The following ANKRD28 variants were observed in gnomAD, a reference collection of about 807,000 sequenced individuals.
ANKRD28 encodes the protein serine/threonine-protein phosphatase 6 regulatory ankyrin repeat subunit A.
ANKRD28 carries 44 observed loss-of-function variants against 126.5 expected under a neutral mutation model. The ratio of observed to expected loss-of-function variants is 0.35; its 90% confidence interval spans 0.27 to 0.45. The LOEUF (loss-of-function observed/expected upper bound fraction) is 0.45. Among genes scored for constraint, ANKRD28 ranks in the 20% least tolerant of loss-of-function variants. ANKRD28 has a pLI of 1.00. For missense variants in ANKRD28, 1,110 were observed against 1,316.6 expected, an observed-to-expected ratio of 0.84 and a Z score of 2.43; for synonymous variants, 442 against 468.5, an observed-to-expected ratio of 0.94 and a Z score of 0.73.
At chr3:15,798,023 A>G (rs751707867), upstream of ANKRD28, 3 of 985,300 alleles carry the variant, frequency 3.0e-6, no homozygotes, top group Admixed American at 1.2e-4. Flanking sequence ...GGAGAAAAAA[A>G]TAGTGCATTT....
intron 21 of ANKRD28, among the ~76,000 whole-genome samples, chr3:15,681,295 T>G (rs1432755985): frequency 1.3e-5 from 2 of 152,218 alleles, no homozygotes; most frequent in Non-Finnish European, 1.5e-5. Flanking sequence ...CTAACTATAT[T>G]TCTGATGGAC....
Position 15,709,694 on chromosome 3 carries a change from G to A in ANKRD28, c.1380C>T (p.Asp460=), listed in dbSNP as rs1304087536. The change falls in exon 13 of 28, where the codon GAC becomes GAT. Residue 460 remains aspartate, a synonymous_variant. Transcript: ENST00000683139. ...CLNLLLNTGA[D]FNKKDKFGRS... is the part of the protein sequence containing the mutation. ...TCCCAAATTTGTCCTTTTTATTAAA[G>A]TCTGCACCAGTATTCAGCAGAAGGT... The A allele has an allele frequency of 1.9e-6, 3 of 1,583,852 alleles. No individual in the cohort carries two copies.
chr3:15,843,276 T>C lies in ANKRD28; in HGVS notation c.27+16101A>G, dbSNP rs2061460276. ...TATCACAGGGACATCATCAAGGGGA[T>C]GGTGCTAAGCCATTCATGAGAAATC... On this transcript the variant is annotated intron_variant, in intron 1 of 27. Transcript: ENST00000399451. This position sits in a 1 kb window ranked among gnomAD's most constrained non-coding sequence, Gnocchi z 5.2. Among the ~76,000 whole-genome samples the C allele has an allele frequency of 1.3e-5, 2 of 152,168 alleles. No homozygotes were observed. The highest frequency in any genetic ancestry group is 6.5e-5 in the Admixed American group (1 of 15,274).
chr3:15,710,036 G>GTTTTTTTTTTTTTTTTTTTTTT (rs34686530), intron 12 of ANKRD28, among the ~76,000 whole-genome samples: 1 of 146,336 alleles, frequency 6.8e-6, no homozygotes, highest in Non-Finnish European at 1.5e-5. Flanking sequence ...TTGCTTATAG[G>GTTTTTTTTTTTTTTTTTTTTTT]TTTTTTTTTT....
chr3:15,739,770 G>A (rs1281470083), intron 4 of ANKRD28, among the ~76,000 whole-genome samples: 1 of 152,216 alleles, frequency 6.6e-6, no homozygotes, highest in East Asian at 1.9e-4. Context: ...ATAAAAAGTA[G>A]TCAGAACAGT....
At chr3:15,692,294 AAAG>A (rs1017997322) in intron 17 of ANKRD28, among the ~76,000 whole-genome samples, 5 of 152,072 alleles carry the variant, frequency 3.3e-5, no homozygotes, top group Admixed American at 1.3e-4. Flanking sequence ...ACAAAAAAAT[AAAG>A]AATTAGTCGG....
chr3:15,714,436 T>A, intron 9 of ANKRD28, 142 bp downstream of exon 9: 1 of 648,874 alleles, frequency 1.5e-6, no homozygotes, highest in Non-Finnish European at 2.5e-6. Context: ...TAATATTTTA[T>A]TTTCATGAGC....
At chr3:15,805,556 A>G (rs1370717903) in intron 1 of ANKRD28, among the ~76,000 whole-genome samples, 1 of 152,158 alleles carries the variant, frequency 6.6e-6, no homozygotes, top group East Asian at 1.9e-4. Context: ...TGCAAAGTTA[A>G]TTATTGTTCA....
Position 15,686,975 on chromosome 3 carries a change from G to A in ANKRD28, c.1964-666C>T, listed in dbSNP as rs1048323170. Among the ~76,000 whole-genome samples, 3 of 146,918 alleles carry A rather than the reference G, an allele frequency of 2.0e-5. No homozygotes were observed. In the South Asian group the frequency reaches 6.4e-4, roughly 32 times the overall value. On this transcript the variant is annotated intron_variant, in intron 18 of 27. Transcript: ENST00000683139. Reference sequence around the variant, plus strand: ...TTTTTTTTTTTTGAGACAGAATCTCGCTCTGTCGCCCAGGCTGGAGTGTAG... The same window carrying A: ...TTTTTTTTTTTTGAGACAGAATCTCACTCTGTCGCCCAGGCTGGAGTGTAG...
intron 1 of ANKRD28, among the ~76,000 whole-genome samples, chr3:15,856,999 C>T (rs1172211973): frequency 6.6e-6 from 1 of 152,206 alleles, no homozygotes; most frequent in African/African-American, 2.4e-5. Flanking sequence ...TGTCCTTACC[C>T]GTATCTTCTT....
chr3:15,759,131 A>T (rs1340595659), intron 3 of ANKRD28, among the ~76,000 whole-genome samples: 1 of 152,170 alleles, frequency 6.6e-6, no homozygotes, highest in Non-Finnish European at 1.5e-5. Context: ...ACTAAAAGCT[A>T]AATAGGTGGT....
At chr3:15,852,488 T>C (rs1193371748) in intron 1 of ANKRD28, among the ~76,000 whole-genome samples, 34 of 152,220 alleles carry the variant, frequency 2.2e-4, no homozygotes, top group Non-Finnish European at 5.9e-5. Context: ...AAAATACATA[T>C]CTTTAAATTT....
intron 1 of ANKRD28, among the ~76,000 whole-genome samples, chr3:15,841,351 C>A (rs2061422160): frequency 6.6e-6 from 1 of 152,110 alleles, no homozygotes; most frequent in Admixed American, 6.6e-5. Context: ...AATGGGGTCA[C>A]ATCAAGTTAA....
intron 1 of ANKRD28, among the ~76,000 whole-genome samples, chr3:15,827,262 C>CTG (rs1188797668): frequency 2.6e-5 from 4 of 152,136 alleles, no homozygotes; most frequent in African/African-American, 4.8e-5. Flanking sequence ...AATCCCACTA[C>CTG]AGGGTATATA....
At chr3:15,793,605 T>C (rs919856197) in intron 2 of ANKRD28, among the ~76,000 whole-genome samples, 18 of 152,188 alleles carry the variant, frequency 1.2e-4, no homozygotes, top group Admixed American at 9.8e-4. Context: ...CAAGGTAGTA[T>C]TTGTCAGTAC....
intron 14 of ANKRD28, among the ~76,000 whole-genome samples, chr3:15,699,919 TAA>T (rs939686608): frequency 6.6e-6 from 1 of 152,192 alleles, no homozygotes; most frequent in African/African-American, 2.4e-5. Flanking sequence ...CATGCTGCTA[TAA>T]AGACACATGC....
chr3:15,682,146 T>C (rs1478051710), intron 21 of ANKRD28, among the ~76,000 whole-genome samples: 1 of 152,158 alleles, frequency 6.6e-6, no homozygotes, highest in Non-Finnish European at 1.5e-5. Flanking sequence ...TATGAAGAGA[T>C]GTACTACTCT....
At chr3:15,790,675 A>G (rs1249856660) in intron 2 of ANKRD28, among the ~76,000 whole-genome samples, 1 of 152,116 alleles carries the variant, frequency 6.6e-6, no homozygotes, top group African/African-American at 2.4e-5. Flanking sequence ...ACAGACCCAC[A>G]GCTAGTATCA....
At chr3:15,848,928 T>C (rs1027621685) in intron 1 of ANKRD28, among the ~76,000 whole-genome samples, 6 of 152,108 alleles carry the variant, frequency 3.9e-5, no homozygotes, top group African/African-American at 1.2e-4. Context: ...TTATCTCTAG[T>C]CACGGAAAAT....
Sources: allele counts gnomAD v4.1 joint callset (sites outside exome capture counted in the v4.1 genomes callset), GRCh38; gene constraint gnomAD v4.1.1; non-coding constraint Gnocchi (gnomAD v3.1); transcripts MANE v1.5; gene names NCBI Gene and HGNC (gene_info 2026-07-23, HGNC 2026-07-21).